The following MYO3B variants were observed in gnomAD, a reference collection of about 807,000 sequenced individuals.
The protein encoded by MYO3B is myosin-IIIb.
Under a neutral mutation model 174.6 loss-of-function variants are expected in MYO3B, and 156 were observed. The ratio of observed to expected loss-of-function variants is 0.89; its 90% CI spans 0.78 to 1.02. MYO3B has a LOEUF of 1.02. Among genes scored for constraint, MYO3B ranks in the 50% least tolerant of loss-of-function variants. The probability of loss-of-function intolerance (pLI) is 0.00; values close to 1 mark genes in which losing one functional copy is unlikely to be tolerated. For synonymous variants in MYO3B, 563 were observed against 569.1 expected, an observed-to-expected ratio of 0.99 and a Z score of 0.15; for missense variants, 1,632 against 1,639.4, an observed-to-expected ratio of 1.00 and a Z score of 0.08.
chr2:170,407,411 A>C (rs537718558), intron 21 of MYO3B, among the ~76,000 whole-genome samples: 2 of 152,306 alleles, frequency 1.3e-5, no homozygotes, highest in South Asian at 4.2e-4. Context: ...CAGTGAGCCA[A>C]GATCATGCCA....
chr2:170,227,757 G>C (rs1473847842), intron 6 of MYO3B, among the ~76,000 whole-genome samples: 3 of 152,196 alleles, frequency 2.0e-5, no homozygotes, highest in Admixed American at 2.0e-4. Flanking sequence ...CAGATACTCT[G>C]ATTGATTTGC....
intron 32 of MYO3B, among the ~76,000 whole-genome samples, chr2:170,649,719 T>C (rs899308106): frequency 1.0e-4 from 15 of 148,858 alleles, no homozygotes; most frequent in Non-Finnish European, 1.9e-4. Flanking sequence ...CCCAGCTACT[T>C]GGGAGGCTGA....
chr2:170,500,977 T>A (rs1452537093), intron 27 of MYO3B, among the ~76,000 whole-genome samples: 2 of 152,222 alleles, frequency 1.3e-5, no homozygotes, highest in Non-Finnish European at 2.9e-5. Flanking sequence ...TTGAACAAAG[T>A]GGATGATTTC....
chr2:170,200,262 G>A lies in MYO3B; in HGVS notation c.299G>A (p.Gly100Glu), dbSNP rs374997679. 86 of 1,612,302 alleles carry A rather than the reference G, an allele frequency of 5.3e-5. No homozygotes were observed. The highest frequency in any genetic ancestry group is 1.6e-4 in the Middle Eastern group (1 of 6,070). ...MFYKADHCVG[G>E]QLWLVLELCN... is the part of the protein sequence containing the mutation. ...TACAAAGCGGATCACTGTGTAGGGG[G>A]ACAGCTGTGGCTGGTCCTGGAGGTA... The change falls in exon 3 of 35, where the codon GGA (glycine) becomes GAA (glutamate). Residue 100 changes from glycine (G) to glutamate (E), a missense_variant. Physicochemically the swap from Gly to Glu is moderately conservative, Grantham distance 98. Coordinates refer to ENST00000408978, the MANE Select transcript of MYO3B (RefSeq NM_138995.5).
At chr2:170,399,223 C>CAAGAGCGAAATTCCGTCTCAAAAA (rs2094459031) in intron 16 of MYO3B, among the ~76,000 whole-genome samples, 2 of 91,970 alleles carry the variant, frequency 2.2e-5, no homozygotes, top group Non-Finnish European at 4.1e-5. Flanking sequence ...GCCTGGGCAA[C>CAAGAGCGAAATTCCGTCTCAAAAA]AAGAGCGAAA....
At chr2:170,629,827 G>A (rs186871721) in intron 32 of MYO3B, among the ~76,000 whole-genome samples, 120 of 152,282 alleles carry the variant, frequency 7.9e-4, no homozygotes, top group Admixed American at 2.1e-3. Flanking sequence ...TCCAGCCTGC[G>A]CAACAGAGCG....
intron 22 of MYO3B, 71 bp from the exon 23 acceptor site, chr2:170,443,896 G>A: frequency 7.4e-7 from 1 of 1,358,202 alleles, no homozygotes. Flanking sequence ...AGGACCCAAA[G>A]GGAAAAATTA....
intron 23 of MYO3B, among the ~76,000 whole-genome samples, chr2:170,455,338 C>T (rs763106814): frequency 1.2e-4 from 19 of 152,158 alleles, no homozygotes; most frequent in Non-Finnish European, 1.9e-4. Context: ...AAGATGGAGT[C>T]ATCAGATCTC....
chr2:170,203,132 T>G (rs1286738254), intron 3 of MYO3B, among the ~76,000 whole-genome samples: 1 of 152,210 alleles, frequency 6.6e-6, no homozygotes, highest in African/African-American at 2.4e-5. Flanking sequence ...AAGTGAATAT[T>G]AAATTTTTAA....
chr2:170,182,072 CCTT>C (rs1340838928), intron 1 of MYO3B, among the ~76,000 whole-genome samples: 14 of 151,706 alleles, frequency 9.2e-5, no homozygotes, highest in Admixed American at 2.6e-4. Flanking sequence ...CTGATACAAA[CCTT>C]CTTTTCTATT....
At chr2:170,267,831 A>C (rs1298563390) in intron 7 of MYO3B, among the ~76,000 whole-genome samples, 2 of 152,214 alleles carry the variant, frequency 1.3e-5, no homozygotes, top group Non-Finnish European at 2.9e-5. Context: ...ATTAGTGTTC[A>C]GAAAATCTGG....
chr2:170,343,224 G>A (rs1178540422), intron 8 of MYO3B, among the ~76,000 whole-genome samples: 7 of 152,090 alleles, frequency 4.6e-5, no homozygotes, highest in Admixed American at 3.3e-4. Flanking sequence ...AGGATCACTT[G>A]AGACCAGGAG....
intron 25 of MYO3B, among the ~76,000 whole-genome samples, chr2:170,483,375 C>CTTTTTTTTTTTTTTT (rs61527598): frequency 4.0e-4 from 25 of 62,100 alleles, no homozygotes; most frequent in Non-Finnish European, 5.8e-4. Context: ...CTTGGGGATT[C>CTTTTTTTTTTTTTTT]TTTTTTTTTT....
intron 25 of MYO3B, among the ~76,000 whole-genome samples, chr2:170,491,065 T>A (rs532684554): frequency 2.0e-5 from 3 of 152,298 alleles, no homozygotes; most frequent in Non-Finnish European, 4.4e-5. Flanking sequence ...GACTTCTACT[T>A]TGATCTTTAT....
Position 170,561,541 on chromosome 2 carries a change from C to T in MYO3B, c.3733+17553C>T, listed in dbSNP as rs73978712. Among the ~76,000 whole-genome samples, 1,388 of 152,298 alleles carry T rather than the reference C, an allele frequency of 9.1e-3. 33 individuals are homozygous for T. The highest frequency in any genetic ancestry group is 0.031 in the African/African-American group (1,302 of 41,560). ...TCTAGAAAAATGCACAAATGTACACCGGCAACATTTTGCACATAAAATCCT... is the reference window on the plus strand; with the variant it reads ...TCTAGAAAAATGCACAAATGTACACTGGCAACATTTTGCACATAAAATCCT... On this transcript the variant is annotated intron_variant, in intron 32 of 34. Transcript: ENST00000408978.
intron 22 of MYO3B, among the ~76,000 whole-genome samples, chr2:170,440,525 T>G (rs940244480): frequency 6.6e-6 from 1 of 152,172 alleles, no homozygotes; most frequent in African/African-American, 2.4e-5. Flanking sequence ...TATTATATTT[T>G]GATGCTATTT....
chr2:170,431,821 C>T (rs1353170776), intron 22 of MYO3B, among the ~76,000 whole-genome samples: 1 of 152,204 alleles, frequency 6.6e-6, no homozygotes, highest in Non-Finnish European at 1.5e-5. Context: ...CTCCACAAAA[C>T]TACAATCCCT....
At chr2:170,416,391 G>A (rs1299445651) in intron 22 of MYO3B, among the ~76,000 whole-genome samples, 4 of 151,934 alleles carry the variant, frequency 2.6e-5, no homozygotes, top group Non-Finnish European at 5.9e-5. Flanking sequence ...AGGCGTGGTG[G>A]TGCACGCCTG....
intron 16 of MYO3B, among the ~76,000 whole-genome samples, chr2:170,396,269 G>C (rs773929940): frequency 1.3e-5 from 2 of 152,208 alleles, no homozygotes; most frequent in African/African-American, 4.8e-5. Flanking sequence ...GGTAAAGAAG[G>C]TGAAAAAACC....
Sources: allele counts gnomAD v4.1 joint callset (sites outside exome capture counted in the v4.1 genomes callset), GRCh38; gene constraint gnomAD v4.1.1; transcripts MANE v1.5; gene names NCBI Gene and HGNC (gene_info 2026-07-23, HGNC 2026-07-21).